Variants in MLXIP observed in about 807,000 individuals in gnomAD.
MLXIP encodes MLX-interacting protein.
Under a neutral mutation model 87.2 loss-of-function variants are expected in MLXIP, and 30 were observed. The ratio of observed to expected loss-of-function variants is 0.34; its 90% CI spans 0.26 to 0.47. The LOEUF (loss-of-function observed/expected upper bound fraction) is 0.47. MLXIP is among the 20% of genes least tolerant of loss of function. The pLI, the probability that MLXIP is intolerant of heterozygous loss-of-function variation, is 1.00. For synonymous variants in MLXIP, 530 were observed against 514.0 expected (o/e 1.03, Z -0.42); for missense variants, 1,002 against 1,240.1 (o/e 0.81, Z 2.88).
At chr12:122,105,420 T>C (rs1267755930) in intron 1 of MLXIP, among the ~76,000 whole-genome samples, 1 of 151,878 alleles carries the variant, frequency 6.6e-6, no homozygotes, top group African/African-American at 2.4e-5. Flanking sequence ...AGATCTCAGC[T>C]CACCACAACT....
intron 1 of MLXIP, among the ~76,000 whole-genome samples, chr12:122,098,652 T>C (rs1952391374): frequency 6.6e-6 from 1 of 152,156 alleles, no homozygotes; most frequent in Non-Finnish European, 1.5e-5. Flanking sequence ...CTTTTTAACA[T>C]GGTGCCTCAA....
intron 1 of MLXIP, among the ~76,000 whole-genome samples, chr12:122,108,500 A>T (rs1050899353): frequency 6.6e-6 from 1 of 151,992 alleles, no homozygotes; most frequent in Non-Finnish European, 1.5e-5. Flanking sequence ...TAACACGAGG[A>T]CTGAAACTTT....
At chr12:122,139,281 C>T (rs1953154054) in intron 15 of MLXIP, among the ~76,000 whole-genome samples, 1 of 152,198 alleles carries the variant, frequency 6.6e-6, no homozygotes, top group Non-Finnish European at 1.5e-5. Context: ...GCAGCCAGCT[C>T]GGTCCTCGAA....
chr12:122,092,430 C>T (rs887603406), intron 1 of MLXIP, among the ~76,000 whole-genome samples: 5 of 152,088 alleles, frequency 3.3e-5, no homozygotes, highest in African/African-American at 1.2e-4. Flanking sequence ...TCTTACACTA[C>T]GTCTACCTTC....
rs776332981 is a variant in MLXIP, at chr12:122,121,009, G to GTTTTTTTTTTTTTTTTTTTTTT, written c.414-6247_414-6246insTTTTTTTTTTTTTTTTTTTTTT. On this transcript the variant is annotated intron_variant, in intron 1 of 16. Transcript: ENST00000319080. ...TAGCCCCAGAGCCCTCTGCATGCTT[G>GTTTTTTTTTTTTTTTTTTTTTT]GTTTTTTTTTTTTTTTTTTGAAACG... Among the ~76,000 whole-genome samples, 15 of 102,196 alleles carry GTTTTTTTTTTTTTTTTTTTTTT rather than the reference G, an allele frequency of 1.5e-4. 1 individual carries two copies. Among genetic ancestry groups the GTTTTTTTTTTTTTTTTTTTTTT allele is most frequent in the East Asian group, 3.2e-4 (1 of 3,138 alleles). The allele number at this position is 102,196 out of a possible 152,430, so 67.0% of individuals were successfully genotyped here.
chr12:122,110,190 C>T (rs565350613), intron 1 of MLXIP, among the ~76,000 whole-genome samples: 2 of 152,264 alleles, frequency 1.3e-5, no homozygotes, highest in Admixed American at 6.5e-5. Flanking sequence ...CGGTGGCTCA[C>T]GTCTGTAATC....
chr12:122,128,136 CA>C (rs1952911761), intron 3 of MLXIP, 168 bp downstream of exon 3: 1 of 607,614 alleles, frequency 1.6e-6, no homozygotes, highest in Non-Finnish European at 2.9e-6. Flanking sequence ...TGGCCTCTGG[CA>C]ACCCCAGGCT....
At chr12:122,092,649 A>T (rs980176742) in intron 1 of MLXIP, among the ~76,000 whole-genome samples, 1 of 152,126 alleles carries the variant, frequency 6.6e-6, no homozygotes, top group Admixed American at 6.6e-5. Context: ...TATAGGTTAC[A>T]TTCCATTTTA....
At chr12:122,132,545 C>A in intron 8 of MLXIP, 162 bp downstream of exon 8, 1 of 613,666 alleles carries the variant, frequency 1.6e-6, no homozygotes, top group Non-Finnish European at 2.9e-6. Flanking sequence ...ACGATTCCAT[C>A]CCTCTTTTAC....
chr12:122,114,196 G>C (rs963878153), intron 1 of MLXIP, among the ~76,000 whole-genome samples: 1 of 150,410 alleles, frequency 6.6e-6, no homozygotes, highest in South Asian at 2.1e-4. Context: ...ATGTTGGCCA[G>C]ACTGTTATCA....
chr12:122,141,549 T>C (rs935247125), intron 16 of MLXIP, 142 bp from the exon 17 acceptor site: 1 of 1,337,740 alleles, frequency 7.5e-7, no homozygotes, highest in Non-Finnish European at 9.9e-7. Context: ...TGTCGGCCCC[T>C]GGCACTCCTC....
rs1196965237 is a variant in MLXIP at position 122,146,870 on chromosome 12, G to A, written c.*5058G>A. The A allele has an allele frequency of 1.3e-5, 2 of 152,226 alleles. No homozygotes were observed. The highest frequency in any genetic ancestry group is 4.8e-5 in the African/African-American group (2 of 41,456). 9.4% of individuals were successfully genotyped at this position (152,226 alleles called of 1,614,324 possible). Reference sequence around the variant, plus strand: ...AACTGAAGTTCTATACATTTCCATAGAGTTTACATCCTGCAGTTAAAAGGC... The same window carrying A: ...AACTGAAGTTCTATACATTTCCATAAAGTTTACATCCTGCAGTTAAAAGGC... On this transcript the variant is annotated 3_prime_UTR_variant, in exon 17 of 17. Transcript: ENST00000319080.
At chr12:122,115,374 G>T (rs1952674091) in intron 1 of MLXIP, among the ~76,000 whole-genome samples, 1 of 151,782 alleles carries the variant, frequency 6.6e-6, no homozygotes, top group Non-Finnish European at 1.5e-5. Context: ...GATCACCTGA[G>T]GTCGGGAGTT....
intron 1 of MLXIP, among the ~76,000 whole-genome samples, chr12:122,124,038 G>T (rs547978984): frequency 6.6e-6 from 1 of 152,294 alleles, no homozygotes; most frequent in East Asian, 1.9e-4. Context: ...CTCTGGTCAG[G>T]TTGGCTATCC....
chr12:122,134,670 C>G (rs1307540262), intron 9 of MLXIP: 1 of 147,770 alleles, frequency 6.8e-6, no homozygotes, highest in African/African-American at 2.7e-5. Flanking sequence ...CACCCAGTCT[C>G]TATTCTCTTT....
chr12:122,078,926 C>A lies in MLXIP; in HGVS notation c.73C>A (p.Gln25Lys). The stretch of plus-strand genomic sequence containing the variant: ...GGGCCGCCAGGTGCTGCTCAAGCCC[C>A]AGGTGTCCGAGGACGACGACGACTC... ...SRGRQVLLKP[Q>K]VSEDDDDSDT... Residue 25 changes from glutamine to lysine, a missense_variant, in exon 1 of 17, where the codon CAG becomes AAG. Around this residue, in one of 3 missense-constraint regions of MLXIP, gnomAD observed 129 missense variants for 104.2 expected, o/e 1.24. Coordinates refer to ENST00000319080, the MANE Select transcript of MLXIP (RefSeq NM_014938.6). 8.8e-7 allele frequency: 1 copy of A among 1,132,926 alleles called. No homozygotes were observed. Among genetic ancestry groups the A allele is most frequent in the South Asian group, 2.7e-5 (1 of 37,394 alleles). 70.2% of individuals were successfully genotyped at this position (1,132,926 alleles called of 1,614,324 possible).
At chr12:122,099,914 A>G (rs1952412387) in intron 1 of MLXIP, among the ~76,000 whole-genome samples, 1 of 152,164 alleles carries the variant, frequency 6.6e-6, no homozygotes, top group South Asian at 2.1e-4. Context: ...TTTCCTCCCC[A>G]AGTCAGGAAC....
chr12:122,135,371 C>T lies in MLXIP; in HGVS notation c.1854+26C>T, dbSNP rs1311635186. The T allele has an allele frequency of 6.2e-7, 1 of 1,605,832 alleles. No individual in the cohort carries two copies. Among genetic ancestry groups the T allele is most frequent in the South Asian group, 1.1e-5 (1 of 89,990 alleles). On this transcript the variant is annotated intron_variant, in intron 10 of 16. Coordinates refer to ENST00000319080, the MANE Select transcript of MLXIP (RefSeq NM_014938.6). The surrounding 1 kb of genome is among the most constrained non-coding windows in gnomAD (Gnocchi z 5.3). ...GTGAGGAGGGCCCTAGGCAGACCTG[C>T]AGTGTCCTTCTCACCCCGGAGCACT...
chr12:122,133,380 T>C lies in MLXIP; in HGVS notation c.1125T>C (p.Thr375=), dbSNP rs917090442. The C allele has an allele frequency of 1.9e-6, 3 of 1,590,640 alleles. No individual in the cohort carries two copies. The highest frequency in any genetic ancestry group is 1.7e-6 in the Non-Finnish European group (2 of 1,165,150). Residue 375 remains threonine, a synonymous_variant, in exon 9 of 17, where the codon ACT becomes ACC. Coordinates refer to ENST00000319080, the MANE Select transcript of MLXIP (RefSeq NM_014938.6). The surrounding 1 kb of genome is among the most constrained non-coding windows in gnomAD (Gnocchi z 4.9). The stretch of plus-strand genomic sequence containing the variant: ...TCCTGCCGACCACAGCCCTCCCCAC[T>C]GTGAGCCTTCCTGACAGCCTCATCG... ...ESILPTTALP[T]VSLPDSLIAP...
Sources: gnomAD v4.1 joint callset for allele counts (sites outside exome capture counted in the v4.1 genomes callset) on GRCh38, gnomAD v4.1.1 for gene constraint, gnomAD v4.1.1 regional missense constraint, Gnocchi (gnomAD v3.1) non-coding constraint, MANE v1.5 for transcripts, NCBI Gene and HGNC (gene_info 2026-07-23, HGNC 2026-07-21) for gene names.